Variants in PPP1R16B observed in about 807,000 individuals in gnomAD.
PPP1R16B encodes protein phosphatase 1 regulatory inhibitor subunit 16B.
In PPP1R16B, 14 loss-of-function variants were observed where a neutral mutation model predicts 61.7. The ratio of observed to expected loss-of-function variants is 0.23; its 90% CI spans 0.15 to 0.35. PPP1R16B has a LOEUF of 0.35. Ranked by LOEUF, PPP1R16B falls within the 10% of genes least tolerant of loss-of-function variation. The pLI is 1.00. For missense variants in PPP1R16B, 547 were observed against 752.5 expected, an observed-to-expected ratio of 0.73 and a Z score of 3.19; for synonymous variants, 266 against 305.3, an observed-to-expected ratio of 0.87 and a Z score of 1.34.
intron 2 of PPP1R16B, among the ~76,000 whole-genome samples, chr20:38,859,427 A>G (rs890482453): frequency 6.6e-6 from 1 of 152,156 alleles, no homozygotes; most frequent in Non-Finnish European, 1.5e-5. Flanking sequence ...GGCTTCTTCC[A>G]TCCTATGGCT....
intron 2 of PPP1R16B, among the ~76,000 whole-genome samples, chr20:38,859,244 T>G (rs2145735615): frequency 6.6e-6 from 1 of 152,108 alleles, no homozygotes; most frequent in South Asian, 2.1e-4. Flanking sequence ...TATTCATGCT[T>G]ACTTCAGCCT....
chr20:38,821,611 T>C (rs2145709668), intron 1 of PPP1R16B, among the ~76,000 whole-genome samples: 1 of 152,238 alleles, frequency 6.6e-6, no homozygotes, highest in Non-Finnish European at 1.5e-5. Flanking sequence ...GAAATAAACA[T>C]ATTAGAACTA....
At chr20:38,891,002 GAAACTCCC>G (rs2085288033) in intron 3 of PPP1R16B, among the ~76,000 whole-genome samples, 1 of 152,164 alleles carries the variant, frequency 6.6e-6, no homozygotes, top group South Asian at 2.1e-4. Context: ...TCTGCCATTG[GAAACTCCC>G]AGACTCCCAG....
chr20:38,838,920 T>G (rs2084890804), intron 2 of PPP1R16B, among the ~76,000 whole-genome samples: 1 of 152,198 alleles, frequency 6.6e-6, no homozygotes, highest in Non-Finnish European at 1.5e-5. Context: ...GGGTCCAGTT[T>G]TTTTGTTTTG....
chr20:38,906,948 G>A, intron 7 of PPP1R16B, 31 bp from the exon 8 acceptor site: 1 of 1,593,432 alleles, frequency 6.3e-7, no homozygotes, highest in South Asian at 1.1e-5. Flanking sequence ...CTCTGGGCAG[G>A]GGGACACATG....
At chr20:38,873,264 C>G (rs1370989626) in intron 2 of PPP1R16B, among the ~76,000 whole-genome samples, 2 of 152,126 alleles carry the variant, frequency 1.3e-5, no homozygotes, top group Non-Finnish European at 2.9e-5. Flanking sequence ...TTAACGGAAA[C>G]TTGACTGGCT....
chr20:38,808,770 A>G (rs2084679105), intron 1 of PPP1R16B, among the ~76,000 whole-genome samples: 1 of 152,124 alleles, frequency 6.6e-6, no homozygotes. Context: ...ATAGTGGCTC[A>G]CACCTGTAAT....
In PPP1R16B at chr20:38,821,485, G is replaced by A. The variant is rs1007213699; in HGVS notation, c.-101-14340G>A. ...AATGAGAAGGGAAGATATGAGAAGT[G>A]ACTAGTGGGCTATATACACATTGTC... On this transcript the variant is annotated intron_variant, in intron 1 of 10. Coordinates refer to ENST00000299824, the MANE Select transcript of PPP1R16B (RefSeq NM_015568.4). Among the ~76,000 whole-genome samples, 3 of 152,342 alleles carry A rather than the reference G, an allele frequency of 2.0e-5. No individual in the cohort carries two copies. In the East Asian group the frequency reaches 5.8e-4, roughly 29 times the overall value.
At chr20:38,882,919 GT>G (rs1739213249) in intron 2 of PPP1R16B, among the ~76,000 whole-genome samples, 1 of 152,174 alleles carries the variant, frequency 6.6e-6, no homozygotes, top group African/African-American at 2.4e-5. Context: ...TTTTTGTTTT[GT>G]TTTGTTTTAG....
Position 38,889,637 on chromosome 20 carries a change from A to T in PPP1R16B, c.293A>T (p.Asn98Ile). ...AATAAGGTCAGCCCTGATTTGTGCA[A>T]TGAGGACGGACTCACAGCCCTACAC... ...LKNKVSPDLCNEDGLTALHQC... is the reference protein window; with the variant it reads ...LKNKVSPDLCIEDGLTALHQC... Residue 98 changes from asparagine to isoleucine, a missense_variant, in exon 3 of 11, where the codon AAT (asparagine) becomes ATT (isoleucine). Asn to Ile is a moderately radical substitution (Grantham distance 149). Transcript: ENST00000299824. The T allele has an allele frequency of 6.3e-7, 1 of 1,599,796 alleles. No individual in the cohort carries two copies. Among genetic ancestry groups the T allele is most frequent in the African/African-American group, 1.3e-5 (1 of 74,708 alleles).
At chr20:38,875,656 A>G (rs1380554491) in intron 2 of PPP1R16B, among the ~76,000 whole-genome samples, 2 of 152,186 alleles carry the variant, frequency 1.3e-5, no homozygotes, top group Non-Finnish European at 2.9e-5. Flanking sequence ...TCCTTTTTGC[A>G]GCTGCAGCCT....
At chr20:38,892,829 A>T (rs901694082) in intron 3 of PPP1R16B, among the ~76,000 whole-genome samples, 3 of 152,206 alleles carry the variant, frequency 2.0e-5, no homozygotes, top group Non-Finnish European at 2.9e-5. Context: ...AAGGCAGAAC[A>T]TTCAAAGCCG....
At chr20:38,819,227 T>C (rs748301728) in intron 1 of PPP1R16B, among the ~76,000 whole-genome samples, 14 of 152,210 alleles carry the variant, frequency 9.2e-5, no homozygotes, top group Non-Finnish European at 2.9e-5. Flanking sequence ...TTCTATAAAA[T>C]AGGGATTAAT....
intron 1 of PPP1R16B, among the ~76,000 whole-genome samples, chr20:38,827,003 G>A (rs1186023201): frequency 1.3e-5 from 2 of 152,130 alleles, no homozygotes; most frequent in Non-Finnish European, 2.9e-5. Context: ...AGGCTGGAAT[G>A]GAGTGGTGTC....
chr20:38,885,240 A>G (rs1046441115), intron 2 of PPP1R16B, among the ~76,000 whole-genome samples: 3 of 151,992 alleles, frequency 2.0e-5, no homozygotes, highest in African/African-American at 7.2e-5. Context: ...AAAGAGCAGA[A>G]TGGAGCCACG....
rs2085453272 is a variant in PPP1R16B at position 38,907,426 on chromosome 20, T to C, written c.898+372T>C. 6.6e-6 allele frequency among the ~76,000 whole-genome samples: 1 copy of C among 152,062 alleles called. No homozygotes were observed. The highest frequency in any genetic ancestry group is 2.4e-5 in the African/African-American group (1 of 41,400). On this transcript the variant is annotated intron_variant, in intron 8 of 10. Transcript: ENST00000299824. This position sits in a 1 kb window ranked among gnomAD's most constrained non-coding sequence, Gnocchi z 4.5. ...GCTCAGTCAGCAATAGGTAGATAGATGGATGAAGGGGTTAGGTAGAATAGA... is the reference window on the plus strand; with the variant it reads ...GCTCAGTCAGCAATAGGTAGATAGACGGATGAAGGGGTTAGGTAGAATAGA...
chr20:38,917,036 C>T (rs970390035), intron 10 of PPP1R16B, among the ~76,000 whole-genome samples: 2 of 152,084 alleles, frequency 1.3e-5, no homozygotes, highest in Non-Finnish European at 2.9e-5. Context: ...GTGGCTCATG[C>T]CTGCAATCTC....
intron 2 of PPP1R16B, among the ~76,000 whole-genome samples, chr20:38,857,367 A>T (rs2085015511): frequency 6.6e-6 from 1 of 152,224 alleles, no homozygotes; most frequent in African/African-American, 2.4e-5. Flanking sequence ...TAATTAAAAA[A>T]ATTATGTTTG....
At chr20:38,853,977 A>C (rs991653950) in intron 2 of PPP1R16B, among the ~76,000 whole-genome samples, 1 of 152,222 alleles carries the variant, frequency 6.6e-6, no homozygotes, top group Non-Finnish European at 1.5e-5. Context: ...GCTCAGAGTC[A>C]GTGTGGGAAG....
Sources: gnomAD v4.1 joint callset for allele counts (sites outside exome capture counted in the v4.1 genomes callset) on GRCh38, gnomAD v4.1.1 for gene constraint, Gnocchi (gnomAD v3.1) non-coding constraint, MANE v1.5 for transcripts, NCBI Gene and HGNC (gene_info 2026-07-23, HGNC 2026-07-21) for gene names.